CSMD3: variants seen among roughly 807,000 people sequenced by gnomAD.
CSMD3 encodes the protein CUB and Sushi multiple domains 3.
In CSMD3, 177 loss-of-function variants were observed where a neutral mutation model predicts 435.2. The ratio of observed to expected loss-of-function variants is 0.41; its 90% CI spans 0.36 to 0.46. The LOEUF is 0.46. CSMD3 is among the 20% of genes least tolerant of loss of function. The pLI is 0.34. For synonymous variants in CSMD3, 1,656 were observed against 1,520.5 expected (o/e 1.09, Z -2.07); for missense variants, 4,265 against 4,504.6 (o/e 0.95, Z 1.52).
intron 27 of CSMD3, among the ~76,000 whole-genome samples, chr8:112,549,355 C>G (rs1001238819): frequency 4.0e-5 from 6 of 151,836 alleles, no homozygotes; most frequent in Admixed American, 3.9e-4. Flanking sequence ...TGATTATTTT[C>G]TTATTTTATT....
chr8:112,899,967 T>C (rs1334834265), intron 10 of CSMD3, among the ~76,000 whole-genome samples: 1 of 151,198 alleles, frequency 6.6e-6, no homozygotes, highest in Non-Finnish European at 1.5e-5. Context: ...AAAGTTGTAA[T>C]GTTTACTAAA....
chr8:113,125,573 T>C (rs72685852), intron 4 of CSMD3, among the ~76,000 whole-genome samples: 14,672 of 151,772 alleles, frequency 0.097, 917 homozygotes, highest in Middle Eastern at 0.17. Context: ...ATCAAGAATC[T>C]TAGATATCAT....
rs1191200716 is a variant in CSMD3 at position 112,897,680 on chromosome 8, CTCTCTCTCTCTCTCTGTGTGTG to C, written c.1633+23925_1633+23946del. Reference sequence around the variant, plus strand: ...AAATACTATTTCTCTCTCTCTCTCTCTCTCTCTCTCTCTCTGTGTGTGTGTGTGTGTGTGTGTGTGTGTGTGT... The same window carrying C: ...AAATACTATTTCTCTCTCTCTCTCTCTGTGTGTGTGTGTGTGTGTGTGTGT... On this transcript the variant is annotated intron_variant, in intron 10 of 70. Coordinates refer to ENST00000297405, the MANE Select transcript of CSMD3 (RefSeq NM_198123.2). Among the ~76,000 whole-genome samples, 221 of 88,740 alleles carry C rather than the reference CTCTCTCTCTCTCTCTGTGTGTG, an allele frequency of 2.5e-3. 2 individuals are homozygous for C. Among genetic ancestry groups the C allele is most frequent in the African/African-American group, 8.2e-3 (211 of 25,856 alleles). The allele number at this position is 88,740 out of a possible 152,430, so 58.2% of individuals were successfully genotyped here.
intron 5 of CSMD3, among the ~76,000 whole-genome samples, chr8:113,057,462 G>A (rs180797731): frequency 6.6e-6 from 1 of 151,698 alleles, no homozygotes; most frequent in Non-Finnish European, 1.5e-5. Context: ...TCTATCAGGG[G>A]TCTTTGGACA....
intron 6 of CSMD3, among the ~76,000 whole-genome samples, chr8:112,977,129 G>A (rs1457237553): frequency 6.6e-6 from 1 of 151,680 alleles, no homozygotes; most frequent in Non-Finnish European, 1.5e-5. Context: ...CTTATATAAT[G>A]AAAAAAGTAA....
chr8:112,398,243 C>T (rs1276355024), intron 35 of CSMD3, among the ~76,000 whole-genome samples: 2 of 152,166 alleles, frequency 1.3e-5, no homozygotes, highest in African/African-American at 4.8e-5. Flanking sequence ...GAGGTCTCCA[C>T]CCAGACACGC....
At chr8:112,707,606 C>T (rs1195132766) in intron 13 of CSMD3, among the ~76,000 whole-genome samples, 1 of 151,900 alleles carries the variant, frequency 6.6e-6, no homozygotes, top group Non-Finnish European at 1.5e-5. Flanking sequence ...AATACTAGGT[C>T]TTTGGAGCTG....
intron 1 of CSMD3, among the ~76,000 whole-genome samples, chr8:113,344,550 C>G (rs187836710): frequency 6.6e-6 from 1 of 152,230 alleles, no homozygotes; most frequent in African/African-American, 2.4e-5. Flanking sequence ...TTCCCACATG[C>G]ACTATAACTC....
rs556851879 is a variant in CSMD3 at position 112,287,291 on chromosome 8, T to A, written c.9149-45A>T. 7 of 1,593,960 alleles carry A rather than the reference T, an allele frequency of 4.4e-6. No homozygotes were observed. The East Asian group carries it at 6.7e-5, about 15-fold the overall frequency. On this transcript the variant is annotated intron_variant, in intron 57 of 70. Coordinates refer to ENST00000297405, the MANE Select transcript of CSMD3 (RefSeq NM_198123.2). ...AAGTTAACCAATTCCCATAAACATTTATTAAGTTTACCAGTTAGTCCAAGG... is the reference window on the plus strand; with the variant it reads ...AAGTTAACCAATTCCCATAAACATTAATTAAGTTTACCAGTTAGTCCAAGG...
chr8:112,826,759 T>A (rs1213588902), intron 12 of CSMD3, among the ~76,000 whole-genome samples: 1 of 152,166 alleles, frequency 6.6e-6, no homozygotes, highest in Non-Finnish European at 1.5e-5. Flanking sequence ...CTGCTTCTAG[T>A]TGGCCATACT....
chr8:113,416,546 G>A (rs2094582381), intron 1 of CSMD3, among the ~76,000 whole-genome samples: 1 of 152,028 alleles, frequency 6.6e-6, no homozygotes, highest in African/African-American at 2.4e-5. Context: ...TCACCCACCT[G>A]TTACCTCCAT....
intron 38 of CSMD3, among the ~76,000 whole-genome samples, chr8:112,355,837 A>AT (rs1456929954): frequency 6.6e-6 from 1 of 152,080 alleles, no homozygotes; most frequent in Admixed American, 6.6e-5. Flanking sequence ...TGTCAAAAAA[A>AT]ATAAATAGAT....
chr8:112,651,932 G>A (rs984967984), intron 18 of CSMD3, among the ~76,000 whole-genome samples: 1 of 152,064 alleles, frequency 6.6e-6, no homozygotes, highest in Admixed American at 6.6e-5. Flanking sequence ...AAAGCATCAT[G>A]TCATGTATTA....
intron 45 of CSMD3, among the ~76,000 whole-genome samples, chr8:112,331,064 T>C (rs147966395): frequency 6.6e-6 from 1 of 152,082 alleles, no homozygotes; most frequent in Non-Finnish European, 1.5e-5. Context: ...ACTATGAAAA[T>C]TAGCAATAAT....
At chr8:112,586,495 TTAAA>T (rs1201658427) in intron 23 of CSMD3, among the ~76,000 whole-genome samples, 2 of 151,472 alleles carry the variant, frequency 1.3e-5, no homozygotes, top group East Asian at 1.9e-4. Flanking sequence ...TTCAAAGTGT[TTAAA>T]TAAATAATGT....
chr8:112,354,457 A>T (rs999061111), intron 38 of CSMD3, among the ~76,000 whole-genome samples: 8 of 152,180 alleles, frequency 5.3e-5, no homozygotes, highest in African/African-American at 1.7e-4. Context: ...ACCATAAAGA[A>T]TCTGCCAAAA....
At chr8:112,588,389 T>C (rs1830906637) in intron 22 of CSMD3, among the ~76,000 whole-genome samples, 1 of 151,086 alleles carries the variant, frequency 6.6e-6, no homozygotes, top group Non-Finnish European at 1.5e-5. Context: ...TTGTGTGAAA[T>C]AATAATAAAA....
intron 35 of CSMD3, among the ~76,000 whole-genome samples, chr8:112,392,139 G>A (rs1369247789): frequency 1.3e-5 from 2 of 151,990 alleles, no homozygotes; most frequent in Admixed American, 1.3e-4. Context: ...ATTTCCTTTT[G>A]CTACAAATAT....
chr8:113,425,226 C>A (rs1030612115), intron 1 of CSMD3, among the ~76,000 whole-genome samples: 1 of 151,392 alleles, frequency 6.6e-6, no homozygotes, highest in African/African-American at 2.4e-5. Context: ...ATATTCACTT[C>A]AAAATAATAC....
Sources: allele counts gnomAD v4.1 joint callset (sites outside exome capture counted in the v4.1 genomes callset), GRCh38; gene constraint gnomAD v4.1.1; transcripts MANE v1.5; gene names NCBI Gene and HGNC (gene_info 2026-07-23, HGNC 2026-07-21).